Variants in MEIS1 observed in about 807,000 individuals in gnomAD.
MEIS1 encodes homeobox protein Meis1.
Under a neutral mutation model 50.8 loss-of-function variants are expected in MEIS1, and 5 were observed. The observed-to-expected ratio is 0.10, with a 90% CI of 0.05 to 0.21. MEIS1 has a LOEUF of 0.21. Ranked by LOEUF, MEIS1 falls within the 10% of genes least tolerant of loss-of-function variation. The pLI is 1.00. For synonymous variants in MEIS1, 176 were observed against 179.3 expected, an observed-to-expected ratio of 0.98 and a Z score of 0.15; for missense variants, 318 against 517.3, an observed-to-expected ratio of 0.61 and a Z score of 3.74.
rs377305652 is a variant in MEIS1, at chr2:66,539,356, C to T, written c.889-8587C>T. On this transcript the variant is annotated intron_variant, in intron 8 of 12. Coordinates refer to ENST00000272369, the MANE Select transcript of MEIS1 (RefSeq NM_002398.3). ...TAGAAATAAAAGGTACACACACATACGTTAAGATAATAGTTTTTTTCATAT... is the reference window on the plus strand; with the variant it reads ...TAGAAATAAAAGGTACACACACATATGTTAAGATAATAGTTTTTTTCATAT... Among the ~76,000 whole-genome samples the T allele has an allele frequency of 1.4e-4, 21 of 152,218 alleles. No individual in the cohort carries two copies. In the South Asian group the frequency reaches 1.7e-3, roughly 12 times the overall value.
Position 66,451,688 on chromosome 2 carries a change from C to T in MEIS1, c.630+8640C>T, listed in dbSNP as rs1319429741. ...AGATTATTCCTTAGCAATTTGAAAA[C>T]TTAATTTCAAACTACATGATGTATA... On this transcript the variant is annotated intron_variant, in intron 6 of 12. Transcript: ENST00000272369. Among the ~76,000 whole-genome samples the T allele has an allele frequency of 2.0e-5, 3 of 151,992 alleles. No individual in the cohort carries two copies. In the East Asian group the frequency reaches 5.8e-4, roughly 29 times the overall value.
intron 7 of MEIS1, among the ~76,000 whole-genome samples, chr2:66,476,912 T>A (rs1672906777): frequency 6.6e-6 from 1 of 151,486 alleles, no homozygotes. Context: ...AAAAAAAAAA[T>A]TAGCTTGTGT....
At chr2:66,447,941 A>G (rs1202398490) in intron 6 of MEIS1, among the ~76,000 whole-genome samples, 2 of 152,198 alleles carry the variant, frequency 1.3e-5, no homozygotes, top group Non-Finnish European at 2.9e-5. Context: ...AAGCCTCATA[A>G]CAGTAACTAT....
At chr2:66,509,049 A>G (rs1276282792) in intron 7 of MEIS1, 7 of 471,510 alleles carry the variant, frequency 1.5e-5, no homozygotes, top group South Asian at 1.1e-4. Context: ...CTCAAAAGTA[A>G]AAAAGGAAAG....
chr2:66,527,630 G>C (rs1259708037), intron 8 of MEIS1, among the ~76,000 whole-genome samples: 1 of 150,620 alleles, frequency 6.6e-6, no homozygotes, highest in Non-Finnish European at 1.5e-5. Context: ...GTGTGTGTGT[G>C]TGTGTGTGTG....
chr2:66,520,359 T>G (rs1009525185), intron 8 of MEIS1, among the ~76,000 whole-genome samples: 9 of 149,480 alleles, frequency 6.0e-5, no homozygotes, highest in South Asian at 2.2e-4. Flanking sequence ...TAGGCACCTA[T>G]AGTCCCAGCT....
intron 9 of MEIS1, chr2:66,562,038 A>ATTTGTTTT (rs1675225775): frequency 1.6e-5 from 1 of 61,274 alleles, no homozygotes; most frequent in Non-Finnish European, 2.8e-5. Context: ...TGAGCAAGTA[A>ATTTGTTTT]TTTTTTTTTT....
In MEIS1 at chr2:66,571,703, C is replaced by T. The variant is rs936996696; in HGVS notation, c.*495C>T. On this transcript the variant is annotated 3_prime_UTR_variant, in exon 13 of 13. Transcript: ENST00000272369. ...AACTGAAGTCAATTTGGGGGACATG[C>T]TAAATAACTATATAAGACATTAAGA... The T allele has an allele frequency of 1.5e-6, 1 of 651,708 alleles. No homozygotes were observed. Among genetic ancestry groups the T allele is most frequent in the South Asian group, 2.0e-5 (1 of 50,058 alleles). 40.4% of individuals were successfully genotyped at this position (651,708 alleles called of 1,614,324 possible). A position where few individuals can be genotyped will look rare whatever the true frequency, so the allele number is the denominator to read the frequency against.
At chr2:66,443,895 G>A (rs1672063500) in intron 6 of MEIS1, 1 of 152,618 alleles carries the variant, frequency 6.6e-6, no homozygotes, top group Non-Finnish European at 1.5e-5. Context: ...CTTCCCTCCA[G>A]GCCCTTCTTC....
In MEIS1 at chr2:66,439,926, G is replaced by T; in HGVS notation, c.323G>T (p.Gly108Val). Reference protein sequence around the residue: ...TCTPREPGVAGGDVCSSESFN... With the variant: ...TCTPREPGVAVGDVCSSESFN... ...ACCCCCCGCGAGCCGGGGGTGGCGG[G>T]CGGGGACGTCTGCTCGTCAGAGTCA... Residue 108 changes from glycine to valine, a missense_variant, in exon 3 of 13, where the codon GGC becomes GTC. Gly to Val is a moderately radical substitution (Grantham distance 109, BLOSUM62 -3). Around this residue, in one of 6 missense-constraint regions of MEIS1, gnomAD observed 75 missense variants for 153.7 expected, o/e 0.49. Transcript: ENST00000272369. The T allele has an allele frequency of 6.2e-7, 1 of 1,613,694 alleles. No homozygotes were observed. Among genetic ancestry groups the T allele is most frequent in the Non-Finnish European group, 8.5e-7 (1 of 1,179,776 alleles).
chr2:66,511,924 T>G (rs59815506), intron 7 of MEIS1, among the ~76,000 whole-genome samples: 16,166 of 152,236 alleles, frequency 0.11, 1,029 homozygotes, highest in African/African-American at 0.17. Flanking sequence ...CCCTTTGACT[T>G]TTGGCAATGT....
chr2:66,446,297 G>T (rs1265126029), intron 6 of MEIS1, among the ~76,000 whole-genome samples: 1 of 152,178 alleles, frequency 6.6e-6, no homozygotes, highest in Non-Finnish European at 1.5e-5. Context: ...ACTTTAGGCC[G>T]CACTCCAGGA....
intron 8 of MEIS1, among the ~76,000 whole-genome samples, chr2:66,530,855 AGTTATT>A (rs1674374901): frequency 6.6e-6 from 1 of 152,248 alleles, no homozygotes; most frequent in African/African-American, 2.4e-5. Flanking sequence ...GTTAACATGC[AGTTATT>A]GTACATTATC....
At chr2:66,527,193 T>G (rs1011506552) in intron 8 of MEIS1, among the ~76,000 whole-genome samples, 2 of 152,238 alleles carry the variant, frequency 1.3e-5, no homozygotes, top group African/African-American at 4.8e-5. Context: ...GCATGTGATC[T>G]TACAATTAAT....
intron 8 of MEIS1, among the ~76,000 whole-genome samples, chr2:66,533,310 GATTATT>G (rs1313379189): frequency 6.6e-6 from 1 of 151,384 alleles, no homozygotes; most frequent in Admixed American, 6.6e-5. Flanking sequence ...GAAGGATCCC[GATTATT>G]ATTGATTATT....
chr2:66,449,409 A>G (rs1672229320), intron 6 of MEIS1, among the ~76,000 whole-genome samples: 1 of 152,122 alleles, frequency 6.6e-6, no homozygotes. Context: ...GGTGTCTAAA[A>G]TCAATTTTGA....
intron 7 of MEIS1, among the ~76,000 whole-genome samples, chr2:66,471,603 T>C (rs887809734): frequency 1.3e-5 from 2 of 152,250 alleles, no homozygotes; most frequent in African/African-American, 2.4e-5. Context: ...CCAAGACTCA[T>C]GCAATATTTT....
chr2:66,562,347 G>A (rs540465936), intron 9 of MEIS1, among the ~76,000 whole-genome samples: 2 of 150,974 alleles, frequency 1.3e-5, no homozygotes, highest in South Asian at 4.2e-4. Context: ...AACTATTCAG[G>A]TATCCAAAGA....
In MEIS1 at chr2:66,573,578, C is replaced by T. The variant is rs1369237674; in HGVS notation, c.*2370C>T. The T allele has an allele frequency of 6.6e-6, 1 of 152,216 alleles. No individual in the cohort carries two copies. Among genetic ancestry groups the T allele is most frequent in the African/African-American group, 2.4e-5 (1 of 41,446 alleles). 9.4% of individuals were successfully genotyped at this position (152,216 alleles called of 1,614,324 possible). On this transcript the variant is annotated 3_prime_UTR_variant, in exon 13 of 13. Transcript: ENST00000272369. ...CTAGGTGATGTGTGATTGACTGACT[C>T]ACCTGCTGGAGTAGCAATGCATTCT...
Sources: allele counts gnomAD v4.1 joint callset (sites outside exome capture counted in the v4.1 genomes callset), GRCh38; gene constraint gnomAD v4.1.1; regional missense constraint gnomAD v4.1.1; transcripts MANE v1.5; gene names NCBI Gene and HGNC (gene_info 2026-07-23, HGNC 2026-07-21).